PATJ: variants seen among roughly 807,000 people sequenced by gnomAD.
PATJ encodes the protein PATJ crumbs cell polarity complex component.
In PATJ, 190 loss-of-function variants were observed where a neutral mutation model predicts 224.9. The ratio of observed to expected loss-of-function variants is 0.84; its 90% CI spans 0.75 to 0.95. The LOEUF is 0.95. PATJ is among the 40% of genes least tolerant of loss of function. The pLI is 0.00. For synonymous variants in PATJ, 769 were observed against 820.3 expected, an observed-to-expected ratio of 0.94 and a Z score of 1.07; for missense variants, 2,121 against 2,270.3, an observed-to-expected ratio of 0.93 and a Z score of 1.34.
intron 4 of PATJ, 34 bp from the exon 5 acceptor site, chr1:61,769,248 AC>A (rs756423964): frequency 6.3e-7 from 1 of 1,589,510 alleles, no homozygotes; most frequent in Admixed American, 1.8e-5. Context: ...CTAAATGTAC[AC>A]CATTGACTTT....
In PATJ at chr1:61,771,625, C is replaced by A. The variant is rs773886805; in HGVS notation, c.719C>A (p.Thr240Lys). The A allele has an allele frequency of 1.3e-6, 2 of 1,562,924 alleles. No homozygotes were observed. Among genetic ancestry groups the A allele is most frequent in the Non-Finnish European group, 8.6e-7 (1 of 1,159,418 alleles). ...CTAAATGATACAACTCTGCCTGAAA[C>A]AGTGAGTTGCAAATTTGAAAAAATA... is the stretch of plus-strand genomic sequence containing the variant. Reference protein sequence around the residue: ...SSLNDTTLPETVCWGHVEEVE... With the variant: ...SSLNDTTLPEKVCWGHVEEVE... Residue 240 changes from threonine (T) to lysine (K), a missense_variant and splice_region_variant, in exon 6 of 44, where the codon ACA becomes AAA. Coordinates refer to ENST00000642238, the MANE Select transcript of PATJ (RefSeq NM_001350145.3).
chr1:61,806,536 G>A (rs537235249), intron 13 of PATJ, among the ~76,000 whole-genome samples: 61 of 151,236 alleles, frequency 4.0e-4, no homozygotes, highest in African/African-American at 1.4e-3. Flanking sequence ...GGAGAATGGC[G>A]TGAACCTGGG....
chr1:62,063,881 A>G (rs541349200), intron 31 of PATJ, among the ~76,000 whole-genome samples: 1 of 152,322 alleles, frequency 6.6e-6, no homozygotes, highest in African/African-American at 2.4e-5. Context: ...GACGTCATTT[A>G]TCAGGTCTGG....
At chr1:61,814,545 TGTGC>T (rs1553168010) in intron 14 of PATJ, among the ~76,000 whole-genome samples, 2,169 of 138,664 alleles carry the variant, frequency 0.016, 57 homozygotes, top group African/African-American at 0.056. Context: ...TGTGTGTGTG[TGTGC>T]GCGCGCGCGC....
At chr1:61,859,680 C>T (rs1377132696) in intron 18 of PATJ, among the ~76,000 whole-genome samples, 6 of 151,924 alleles carry the variant, frequency 3.9e-5, no homozygotes, top group Admixed American at 2.0e-4. Flanking sequence ...GTGCAAATGG[C>T]GTGATCTCAG....
intron 1 of PATJ, among the ~76,000 whole-genome samples, chr1:61,760,511 ATTACG>A (rs1414099440): frequency 3.9e-5 from 6 of 152,140 alleles, no homozygotes; most frequent in Non-Finnish European, 8.8e-5. Flanking sequence ...TGAGTTTTTA[ATTACG>A]TTACATTTTA....
chr1:61,810,337 A>C (rs1654457965), intron 14 of PATJ, among the ~76,000 whole-genome samples: 1 of 152,156 alleles, frequency 6.6e-6, no homozygotes, highest in Admixed American at 6.6e-5. Flanking sequence ...GTCAGATTAG[A>C]GTAGTGACTA....
rs79388226 is a variant in PATJ, at chr1:61,775,343, A to G, written c.849+9A>G. On this transcript the variant is annotated intron_variant, in intron 7 of 43. Transcript: ENST00000642238. ...GAGGATTAGCAGATCGAGTAAGTCA[A>G]CCTTCCTTGTTATCATTTTGGTTTT... 2.5e-3 allele frequency: 3,988 copies of G among 1,597,850 alleles called. 87 individuals are homozygous for G. The African/African-American group carries it at 0.047, about 19-fold the overall frequency.
intron 18 of PATJ, 90 bp from the exon 19 acceptor site, chr1:61,861,461 A>G: frequency 1.6e-6 from 1 of 644,258 alleles, no homozygotes; most frequent in Non-Finnish European, 2.7e-6. Context: ...CCCCGTGTGC[A>G]TTAGGTATTT....
chr1:62,044,536 G>C (rs560260699), intron 30 of PATJ, among the ~76,000 whole-genome samples: 18 of 152,244 alleles, frequency 1.2e-4, no homozygotes, highest in Admixed American at 3.9e-4. Flanking sequence ...CAAATAACTT[G>C]GGTTCCGACA....
intron 1 of PATJ, among the ~76,000 whole-genome samples, chr1:61,743,981 G>T (rs1403937476): frequency 2.0e-5 from 3 of 152,054 alleles, no homozygotes; most frequent in Non-Finnish European, 2.9e-5. Flanking sequence ...GCCAGAGTTG[G>T]CCATTGTTGA....
chr1:61,937,989 C>T (rs763239366), intron 27 of PATJ, among the ~76,000 whole-genome samples: 11 of 152,104 alleles, frequency 7.2e-5, no homozygotes, highest in Non-Finnish European at 1.2e-4. Context: ...CTCTTCTAAA[C>T]TGGTGCTTTT....
intron 17 of PATJ, among the ~76,000 whole-genome samples, chr1:61,842,819 G>T (rs546597650): frequency 2.3e-4 from 35 of 151,094 alleles, no homozygotes; most frequent in Non-Finnish European, 4.3e-4. Flanking sequence ...GTCCCCAGAG[G>T]TGTTTCATCA....
chr1:62,051,996 G>A (rs1653716361), intron 31 of PATJ, among the ~76,000 whole-genome samples: 1 of 152,188 alleles, frequency 6.6e-6, no homozygotes, highest in Admixed American at 6.5e-5. Context: ...TAGGCTGGGA[G>A]ATGGCTGCCC....
intron 16 of PATJ, among the ~76,000 whole-genome samples, chr1:61,830,806 G>A (rs1659167128): frequency 6.6e-6 from 1 of 152,140 alleles, no homozygotes; most frequent in Non-Finnish European, 1.5e-5. Context: ...GGAAAATGTT[G>A]CTGGGAAAAC....
chr1:61,862,782 T>C (rs1038305226), intron 19 of PATJ, among the ~76,000 whole-genome samples: 6 of 152,200 alleles, frequency 3.9e-5, no homozygotes, highest in Non-Finnish European at 7.3e-5. Context: ...TTTTTTATTC[T>C]TAAAAGGAAT....
At chr1:61,918,147 C>G (rs1454495586) in intron 26 of PATJ, 1 of 151,196 alleles carries the variant, frequency 6.6e-6, no homozygotes, top group Non-Finnish European at 1.5e-5. Flanking sequence ...CCTGTGTTTT[C>G]TATGTGGGAA....
chr1:61,882,176 G>A (rs1293425951), intron 21 of PATJ, among the ~76,000 whole-genome samples: 1 of 152,150 alleles, frequency 6.6e-6, no homozygotes, highest in Non-Finnish European at 1.5e-5. Flanking sequence ...TAGGGTTCAT[G>A]AGGGAAAATA....
intron 27 of PATJ, among the ~76,000 whole-genome samples, chr1:61,958,060 A>G (rs995966860): frequency 6.6e-6 from 1 of 152,224 alleles, no homozygotes. Flanking sequence ...AAGTTTAGCT[A>G]TATACAAAAT....
Sources: gnomAD v4.1 joint callset for allele counts (sites outside exome capture counted in the v4.1 genomes callset) on GRCh38, gnomAD v4.1.1 for gene constraint, MANE v1.5 for transcripts, NCBI Gene and HGNC (gene_info 2026-07-23, HGNC 2026-07-21) for gene names.